Variants in CHL1 observed in about 807,000 individuals in gnomAD.
The protein encoded by CHL1 is cell adhesion molecule L1 like.
A neutral mutation model predicts 141.9 loss-of-function variants in CHL1; 96 were observed. That is an observed-to-expected ratio of 0.68 (90% CI 0.57 to 0.80). CHL1 has a LOEUF of 0.80. Ranked by LOEUF, CHL1 falls within the 30% of genes least tolerant of loss-of-function variation. The pLI, the probability that CHL1 is intolerant of heterozygous loss-of-function variation, is 0.00. For missense variants in CHL1, 1,820 were observed against 1,457.2 expected (o/e 1.25, Z -4.05); for synonymous variants, 613 against 502.2 (o/e 1.22, Z -2.95).
At chr3:263,027 C>T (rs978447243) in intron 2 of CHL1, among the ~76,000 whole-genome samples, 3 of 152,146 alleles carry the variant, frequency 2.0e-5, no homozygotes, top group Admixed American at 2.0e-4. Context: ...TATTCAGAAT[C>T]GCCTTGAAAC....
chr3:375,193 G>A (rs1422979277), intron 15 of CHL1, among the ~76,000 whole-genome samples: 1 of 152,088 alleles, frequency 6.6e-6, no homozygotes, highest in African/African-American at 2.4e-5. Context: ...CATACACTAT[G>A]GTTATGAAAA....
chr3:342,413 G>A (rs762415441), intron 7 of CHL1, among the ~76,000 whole-genome samples: 1 of 152,126 alleles, frequency 6.6e-6, no homozygotes, highest in Non-Finnish European at 1.5e-5. Context: ...TGTGATCTTG[G>A]ATAAACTGGC....
At position 328,292 on chromosome 3, in the gene CHL1, G is replaced by A. The variant is rs369767790; in HGVS notation, c.323G>A (p.Arg108His). The A allele has an allele frequency of 4.3e-5, 70 of 1,612,032 alleles. No homozygotes were observed. Among genetic ancestry groups the A allele is most frequent in the South Asian group, 2.5e-4 (23 of 90,922 alleles). Residue 108 changes from arginine (R) to histidine (H), a missense_variant, in exon 5 of 28, where the codon CGC (arginine) becomes CAC (histidine). By Grantham distance (29) the Arg-to-His change is conservative (BLOSUM62 0). Transcript: ENST00000256509. Reference sequence around the variant, plus strand: ...ATATCTCACTTTCAAGGGAAATACCGCTGCTTTGCTTCAAATAAACTGGGA... The same window carrying A: ...ATATCTCACTTTCAAGGGAAATACCACTGCTTTGCTTCAAATAAACTGGGA... ...GHISHFQGKY[R>H]CFASNKLGIA...
intron 2 of CHL1, among the ~76,000 whole-genome samples, chr3:313,818 A>T (rs551037378): frequency 6.6e-6 from 1 of 152,192 alleles, no homozygotes; most frequent in Admixed American, 6.5e-5. Flanking sequence ...CAAAGCATTA[A>T]AGAAAAATGA....
At chr3:252,626 T>A (rs1693812528) in intron 2 of CHL1, among the ~76,000 whole-genome samples, 1 of 151,728 alleles carries the variant, frequency 6.6e-6, no homozygotes, top group Non-Finnish European at 1.5e-5. Context: ...ATATCTCATA[T>A]CTTCTAACTT....
At chr3:384,904 C>T (rs1216464961) in intron 19 of CHL1, among the ~76,000 whole-genome samples, 2 of 152,130 alleles carry the variant, frequency 1.3e-5, no homozygotes. Flanking sequence ...TCACATGGCC[C>T]ATACCTGCAA....
intron 2 of CHL1, among the ~76,000 whole-genome samples, chr3:249,683 C>T (rs1693502578): frequency 6.6e-6 from 1 of 152,138 alleles, no homozygotes; most frequent in Non-Finnish European, 1.5e-5. Context: ...CAGTTGCAAA[C>T]AGCAGGTAAA....
chr3:328,027 T>G (rs1701142223), intron 4 of CHL1, 140 bp from the exon 5 acceptor site: 2 of 478,174 alleles, frequency 4.2e-6, no homozygotes, highest in South Asian at 1.4e-4. Flanking sequence ...GACCCTTATT[T>G]ATATCCTGTT....
intron 11 of CHL1, among the ~76,000 whole-genome samples, chr3:355,370 C>T (rs1283479643): frequency 6.6e-6 from 1 of 152,158 alleles, no homozygotes; most frequent in African/African-American, 2.4e-5. Context: ...GAGCCCACTC[C>T]AAATGGGCTG....
chr3:403,063 C>G (rs1396306197), intron 27 of CHL1, among the ~76,000 whole-genome samples: 1 of 152,164 alleles, frequency 6.6e-6, no homozygotes, highest in Admixed American at 6.6e-5. Flanking sequence ...AAGTTTCAGC[C>G]AAAGCACAAA....
chr3:367,015 C>A (rs1024715813), intron 15 of CHL1, among the ~76,000 whole-genome samples: 5 of 152,176 alleles, frequency 3.3e-5, no homozygotes, highest in African/African-American at 1.2e-4. Flanking sequence ...GAGAAGTACA[C>A]CTTTGAGTCT....
intron 1 of CHL1, among the ~76,000 whole-genome samples, chr3:242,336 C>T (rs1212148275): frequency 6.6e-6 from 1 of 150,622 alleles, no homozygotes; most frequent in Non-Finnish European, 1.5e-5. Flanking sequence ...GTGGCTCACG[C>T]CTGTAATCCC....
chr3:313,501 C>T (rs979379020), intron 2 of CHL1, among the ~76,000 whole-genome samples: 1 of 151,818 alleles, frequency 6.6e-6, no homozygotes, highest in Admixed American at 6.6e-5. Context: ...TTCATTAGAG[C>T]CATTAGAGAA....
In CHL1 at chr3:365,498, T is replaced by C. The variant is rs560424665; in HGVS notation, c.1586-452T>C. Reference sequence around the variant, plus strand: ...AGGCTTGCTTTCTAGTTCCCCACCTTCATGTTAATAGTTCATCCATTCATG... The same window carrying C: ...AGGCTTGCTTTCTAGTTCCCCACCTCCATGTTAATAGTTCATCCATTCATG... On this transcript the variant is annotated intron_variant, in intron 14 of 27. Coordinates refer to ENST00000256509, the MANE Select transcript of CHL1 (RefSeq NM_006614.4). Among the ~76,000 whole-genome samples, 3 of 152,324 alleles carry C rather than the reference T, an allele frequency of 2.0e-5. No individual in the cohort carries two copies. In the South Asian group the frequency reaches 6.2e-4, roughly 32 times the overall value.
chr3:210,255 A>G (rs1316895841), intron 1 of CHL1, among the ~76,000 whole-genome samples: 1 of 152,248 alleles, frequency 6.6e-6, no homozygotes, highest in Non-Finnish European at 1.5e-5. Flanking sequence ...TGAATGACAA[A>G]CTAACTCATA....
At chr3:240,788 G>C (rs1692484558) in intron 1 of CHL1, among the ~76,000 whole-genome samples, 1 of 152,002 alleles carries the variant, frequency 6.6e-6, no homozygotes, top group African/African-American at 2.4e-5. Context: ...TAGGAGATGA[G>C]GATCCAGTTT....
intron 5 of CHL1, 68 bp downstream of exon 5, chr3:328,422 G>A: frequency 7.8e-7 from 1 of 1,279,466 alleles, no homozygotes; most frequent in Middle Eastern, 2.0e-4. Context: ...AGTTAGATTG[G>A]GTTCCAATGA....
chr3:397,585 T>G (rs1469923169), intron 24 of CHL1, among the ~76,000 whole-genome samples: 1 of 152,112 alleles, frequency 6.6e-6, no homozygotes, highest in Non-Finnish European at 1.5e-5. Flanking sequence ...TTGTTCAACT[T>G]GATTCATTTT....
intron 15 of CHL1, 74 bp downstream of exon 15, chr3:366,189 G>C: frequency 2.1e-6 from 3 of 1,435,414 alleles, no homozygotes; most frequent in Non-Finnish European, 2.9e-6. Context: ...AAAAGTTCTA[G>C]GTCGGGCATG....
Sources: allele counts gnomAD v4.1 joint callset (sites outside exome capture counted in the v4.1 genomes callset), GRCh38; gene constraint gnomAD v4.1.1; transcripts MANE v1.5; gene names NCBI Gene and HGNC (gene_info 2026-07-23, HGNC 2026-07-21).